The following OTC variants were observed in gnomAD, a reference collection of about 807,000 sequenced individuals.
OTC encodes ornithine transcarbamylase.
In OTC, 3 loss-of-function variants were observed where a neutral mutation model predicts 30.3. That is an observed-to-expected ratio of 0.10 (90% CI 0.05 to 0.26). The LOEUF (loss-of-function observed/expected upper bound fraction) is 0.26. Ranked by LOEUF, OTC falls within the 10% of genes least tolerant of loss-of-function variation. The pLI is 1.00. For synonymous variants in OTC, 111 were observed against 99.7 expected (o/e 1.11, Z -0.67); for missense variants, 194 against 260.3 (o/e 0.75, Z 1.75).
chrX:38,351,186 G>C (rs1327214736), upstream of OTC, among the ~76,000 whole-genome samples: 4 of 111,955 alleles, frequency 3.6e-5, no homozygotes, highest in Non-Finnish European at 7.5e-5. Flanking sequence ...TCTGTAAGTA[G>C]AAGGAAATGG....
At chrX:38,331,757 A>AT in the OTC span, among the ~76,000 whole-genome samples, 10,264 of 108,686 alleles carry the variant, frequency 0.094, 963 homozygotes, top group African/African-American at 0.29. Flanking sequence ...TAATTTTTGT[A>AT]TTTTTGTAGA....
Position 38,421,282 on chromosome X carries a change from T to A in OTC, c.*200T>A. The A allele has an allele frequency of 7.3e-6, 3 of 411,364 alleles. No individual in the cohort carries two copies. In the South Asian group the frequency reaches 1.0e-4, roughly 14 times the overall value. 33.9% of individuals were successfully genotyped at this position (411,364 alleles called of 1,213,427 possible). A position where few individuals can be genotyped will look rare whatever the true frequency, so the allele number is the denominator to read the frequency against. On this transcript the variant is annotated 3_prime_UTR_variant, in exon 10 of 10. Transcript: ENST00000039007. ...TGATGCACTGTAATACGTGCTTAAC[T>A]TTGCTTAAACTCTCTAATTCCCAAT... is the stretch of plus-strand genomic sequence containing the variant.
At chrX:38,381,991 G>A (rs1339604572) in intron 4 of OTC, among the ~76,000 whole-genome samples, 1 of 111,800 alleles carries the variant, frequency 8.9e-6, no homozygotes, top group African/African-American at 3.2e-5. Context: ...GGGAAGAACA[G>A]GTTATTAATT....
At chrX:38,347,603 G>A (rs2068196290), upstream of OTC, among the ~76,000 whole-genome samples, 1 of 112,283 alleles carries the variant, frequency 8.9e-6, no homozygotes, top group African/African-American at 3.2e-5. Context: ...ACAAATCAGA[G>A]CTTCGCACTG....
At chrX:38,412,436 A>G (rs2068548601) in intron 9 of OTC, among the ~76,000 whole-genome samples, 1 of 111,746 alleles carries the variant, frequency 8.9e-6, no homozygotes, top group Non-Finnish European at 1.9e-5. Context: ...TGGACTAGAT[A>G]CTTGTTTTCG....
At chrX:38,337,310 C>T in the OTC span, among the ~76,000 whole-genome samples, 2 of 112,315 alleles carry the variant, frequency 1.8e-5, no homozygotes, top group Admixed American at 1.9e-4. Flanking sequence ...TGCAATGTAA[C>T]ATTTTTTAAC....
chrX:38,367,241 T>C, intron 1 of OTC, 50 bp from the exon 2 acceptor site: 1 of 1,053,697 alleles, frequency 9.5e-7, no homozygotes, highest in Non-Finnish European at 1.3e-6. Context: ...CCATAGTACA[T>C]GGGTCTTTTC....
intron 1 of OTC, 127 bp downstream of exon 1, chrX:38,352,900 C>G: frequency 1.9e-6 from 1 of 540,212 alleles, no homozygotes; most frequent in Non-Finnish European, 3.2e-6. Context: ...TTTGAGACAG[C>G]TGCCTCTAAT....
intron 4 of OTC, among the ~76,000 whole-genome samples, chrX:38,396,067 C>T (rs1022453455): frequency 1.8e-5 from 2 of 108,807 alleles, no homozygotes; most frequent in Non-Finnish European, 3.8e-5. Flanking sequence ...ATTCTCCTGC[C>T]TCAGCCTCCT....
At position 38,421,038 on chromosome X, in the gene OTC, C is replaced by T; in HGVS notation, c.1021C>T (p.Leu341=). The T allele has an allele frequency of 8.3e-7, 1 of 1,203,278 alleles. No individual in the cohort carries two copies. Residue 341 remains leucine (L), a synonymous_variant, in exon 10 of 10, where the codon CTG becomes TTG. Coordinates refer to ENST00000039007, the MANE Select transcript of OTC (RefSeq NM_000531.6). ...GTGTCATCAGGCTGTCATGGTGTCCCTGCTGACAGATTACTCACCTCAGCT... is the reference window on the plus strand; with the variant it reads ...GTGTCATCAGGCTGTCATGGTGTCCTTGCTGACAGATTACTCACCTCAGCT... The part of the protein sequence containing the change: ...KWTIMAVMVS[L]LTDYSPQLQK...
intron 9 of OTC, among the ~76,000 whole-genome samples, chrX:38,417,106 T>C (rs1350331596): frequency 2.7e-5 from 3 of 112,018 alleles, no homozygotes; most frequent in South Asian, 7.5e-4. Context: ...TTTTATATTT[T>C]TTTGTCTGTT....
chrX:38,358,597 C>T (rs1321921034), intron 1 of OTC, among the ~76,000 whole-genome samples: 2 of 108,276 alleles, frequency 1.8e-5, no homozygotes, highest in African/African-American at 3.4e-5. Flanking sequence ...ACAGCATAAC[C>T]CCCCCTCACT....
At chrX:38,339,658 C>G in the OTC span, among the ~76,000 whole-genome samples, 1 of 109,860 alleles carries the variant, frequency 9.1e-6, no homozygotes, top group Non-Finnish European at 1.9e-5. Flanking sequence ...ATGGAATTCC[C>G]CTATAATAGT....
chrX:38,401,108 A>G (rs1433063317), intron 4 of OTC, among the ~76,000 whole-genome samples, 167 bp from the exon 5 acceptor site: 1 of 112,475 alleles, frequency 8.9e-6, no homozygotes, highest in Non-Finnish European at 1.9e-5. Flanking sequence ...TGGCTTATGT[A>G]ATGAATACAT....
intron 1 of OTC, among the ~76,000 whole-genome samples, chrX:38,355,019 G>A (rs1162103435): frequency 9.0e-6 from 1 of 111,544 alleles, no homozygotes; most frequent in African/African-American, 3.3e-5. Context: ...GAAAGGTGGA[G>A]GGCCCTTGTT....
At chrX:38,332,504 T>TTATACATATATATATATATATA in the OTC span, among the ~76,000 whole-genome samples, 1 of 39,381 alleles carries the variant, frequency 2.5e-5, no homozygotes, top group African/African-American at 8.8e-5. Flanking sequence ...GCCCTAGATT[T>TTATACATATATATATATATATA]TATATATATA....
the OTC span, among the ~76,000 whole-genome samples, chrX:38,341,858 A>G: frequency 9.0e-6 from 1 of 110,499 alleles, no homozygotes; most frequent in Non-Finnish European, 1.9e-5. Flanking sequence ...AAGAAAGAAG[A>G]AAACACATCA....
chrX:38,389,740 A>G (rs188942093), intron 4 of OTC, among the ~76,000 whole-genome samples: 1 of 111,932 alleles, frequency 8.9e-6, no homozygotes, highest in African/African-American at 3.2e-5. Flanking sequence ...AAGCAGAGTC[A>G]CAGTTTGGTT....
In OTC at chrX:38,380,714, C is replaced by T. The variant is rs750165857; in HGVS notation, c.299-628C>T. 1.5e-4 allele frequency among the ~76,000 whole-genome samples: 17 copies of T among 111,841 alleles called. No individual in the cohort carries two copies. In the South Asian group the frequency reaches 2.6e-3, roughly 17 times the overall value. ...TTTCCTTATCTTCCAATCAAGACAG[C>T]GTCATATATTTTATTTTATTTTTTA... On this transcript the variant is annotated intron_variant, in intron 3 of 9. Transcript: ENST00000039007.
Sources: gnomAD v4.1 joint callset for allele counts (sites outside exome capture counted in the v4.1 genomes callset) on GRCh38, gnomAD v4.1.1 for gene constraint, MANE v1.5 for transcripts, NCBI Gene and HGNC (gene_info 2026-07-23, HGNC 2026-07-21) for gene names.